The following PRR11 variants were observed in gnomAD, a reference collection of about 807,000 sequenced individuals.
The protein encoded by PRR11 is proline rich 11, also known as proline-rich protein 11.
A neutral mutation model predicts 45.6 loss-of-function variants in PRR11; 30 were observed. That is an observed-to-expected ratio of 0.66 (90% CI 0.49 to 0.89). The LOEUF is 0.89. Ranked by LOEUF, PRR11 falls within the 40% of genes least tolerant of loss-of-function variation. The probability of loss-of-function intolerance (pLI) is 0.00; values close to 1 mark genes in which losing one functional copy is unlikely to be tolerated. For synonymous variants in PRR11, 128 were observed against 153.5 expected (o/e 0.83, Z 1.23); for missense variants, 373 against 424.8 (o/e 0.88, Z 1.07).
At chr17:59,160,622 G>A (rs2046646565) in intron 1 of PRR11, 1 of 152,142 alleles carries the variant, frequency 6.6e-6, no homozygotes, top group Admixed American at 6.5e-5. Context: ...AGCTCCAGAT[G>A]TACCAGTTTG....
intron 2 of PRR11, among the ~76,000 whole-genome samples, chr17:59,180,986 T>A (rs1166686751): frequency 6.6e-6 from 1 of 151,292 alleles, no homozygotes; most frequent in Non-Finnish European, 1.5e-5. Flanking sequence ...ACTTTCTTTT[T>A]TTGTTGTTTT....
intron 2 of PRR11, chr17:59,179,831 C>T: frequency 7.4e-7 from 1 of 1,348,678 alleles, no homozygotes; most frequent in Non-Finnish European, 1.0e-6. Flanking sequence ...CTCCCTCTTC[C>T]TTTTCCAGCA....
At chr17:59,198,081 T>G (rs1351927137) in intron 9 of PRR11, among the ~76,000 whole-genome samples, 3 of 152,160 alleles carry the variant, frequency 2.0e-5, no homozygotes, top group African/African-American at 7.2e-5. Flanking sequence ...ACCACTGCAC[T>G]CCAGTCTGGG....
chr17:59,180,726 G>A lies in PRR11; in HGVS notation c.129-4328G>A, dbSNP rs480149. Among the ~76,000 whole-genome samples the A allele has an allele frequency of 4.9e-3, 732 of 150,412 alleles. 23 individuals carry two copies. Among genetic ancestry groups the A allele is most frequent in the African/African-American group, 0.017 (692 of 40,594 alleles). On this transcript the variant is annotated intron_variant, in intron 2 of 9. Transcript: ENST00000262293. ...TCACTATATTGGTCAGGCTGGTCTC[G>A]AACAACTGACCTCAGGTGATCCACC...
At chr17:59,160,835 G>A (rs1234523947) in intron 1 of PRR11, 2 of 151,950 alleles carry the variant, frequency 1.3e-5, no homozygotes, top group East Asian at 1.9e-4. Context: ...CTGTGCTCAC[G>A]TGAGCCTCCC....
intron 2 of PRR11, among the ~76,000 whole-genome samples, chr17:59,172,404 C>T (rs926176269): frequency 6.6e-6 from 1 of 152,266 alleles, no homozygotes; most frequent in African/African-American, 2.4e-5. Context: ...GCCTCCTCAC[C>T]TGGGCGCCCA....
intron 2 of PRR11, chr17:59,175,176 C>T (rs1307954854): frequency 2.0e-6 from 1 of 503,964 alleles, no homozygotes; most frequent in African/African-American, 2.0e-5. Flanking sequence ...CAGGAGAGAC[C>T]TCTGGCTGAG....
chr17:59,184,565 T>G (rs2046804169), intron 2 of PRR11, among the ~76,000 whole-genome samples: 1 of 152,128 alleles, frequency 6.6e-6, no homozygotes, highest in Non-Finnish European at 1.5e-5. Flanking sequence ...CCAAACTGAA[T>G]GAGGAAGCAG....
chr17:59,163,867 C>G (rs906721809), intron 1 of PRR11, among the ~76,000 whole-genome samples: 2 of 152,062 alleles, frequency 1.3e-5, no homozygotes, highest in African/African-American at 4.8e-5. Flanking sequence ...GAGTTCAAGA[C>G]CAGCCTGGCC....
At position 59,205,144 on chromosome 17, in the gene PRR11, G is replaced by A. The variant is rs1377339490; in HGVS notation, c.*3513G>A. ...AAGCTGCTACTGCCATTGTACCAGT[G>A]TTAAACTGTGTTCTACCTTGCATCT... is the stretch of plus-strand genomic sequence containing the variant. On this transcript the variant is annotated 3_prime_UTR_variant, in exon 10 of 10. Transcript: ENST00000262293. 2.6e-5 allele frequency among the ~76,000 whole-genome samples: 4 copies of A among 151,646 alleles called. No homozygotes were observed. Among genetic ancestry groups the A allele is most frequent in the Admixed American group, 1.3e-4 (2 of 15,240 alleles).
Position 59,201,291 on chromosome 17 carries a change from C to T in PRR11, c.1015-272C>T, listed in dbSNP as rs542558313. 4.6e-5 allele frequency among the ~76,000 whole-genome samples: 7 copies of T among 152,306 alleles called. No individual in the cohort carries two copies. In the South Asian group the frequency reaches 1.2e-3, roughly 27 times the overall value. ...ATCCTTAATGTGTGGCTTTTATCCT[C>T]TTAATACAAAATGCCTACATTTCCT... is the stretch of plus-strand genomic sequence containing the variant. On this transcript the variant is annotated intron_variant, in intron 9 of 9. Transcript: ENST00000262293.
chr17:59,156,185 A>G lies in PRR11; in HGVS notation c.-6+380A>G, dbSNP rs571168637. On this transcript the variant is annotated intron_variant, in intron 1 of 9. Coordinates refer to ENST00000262293, the MANE Select transcript of PRR11 (RefSeq NM_018304.4). Reference sequence around the variant, plus strand: ...TTTACTAAATCAGAATATACATTTTAACAAGATTTCCCTGAGTGATTTCTA... The same window carrying G: ...TTTACTAAATCAGAATATACATTTTGACAAGATTTCCCTGAGTGATTTCTA... 6.6e-5 allele frequency among the ~76,000 whole-genome samples: 10 copies of G among 152,312 alleles called. No individual in the cohort carries two copies. The South Asian group carries it at 2.1e-3, about 32-fold the overall frequency.
At position 59,204,614 on chromosome 17, in the gene PRR11, G is replaced by A. The variant is rs549271244; in HGVS notation, c.*2983G>A. ...CCAGCTACTCAGGAAGCTAAAGCAC[G>A]AGAATTATGTGCATCCTGGAGGTGA... On this transcript the variant is annotated 3_prime_UTR_variant, in exon 10 of 10. Coordinates refer to ENST00000262293, the MANE Select transcript of PRR11 (RefSeq NM_018304.4). 2 of 151,404 alleles carry A rather than the reference G, an allele frequency of 1.3e-5. No homozygotes were observed. The highest frequency in any genetic ancestry group is 3.9e-4 in the East Asian group (2 of 5,166). The allele number at this position is 151,404 out of a possible 1,614,324, so 9.4% of individuals were successfully genotyped here. A position where few individuals can be genotyped will look rare whatever the true frequency, so the allele number is the denominator to read the frequency against.
chr17:59,188,154 A>G (rs547888508), intron 4 of PRR11, among the ~76,000 whole-genome samples: 2 of 152,328 alleles, frequency 1.3e-5, no homozygotes, highest in East Asian at 3.9e-4. Flanking sequence ...TCCTATTACT[A>G]AAGAAGAAGG....
At chr17:59,176,806 C>G (rs2046749426) in intron 2 of PRR11, among the ~76,000 whole-genome samples, 1 of 140,086 alleles carries the variant, frequency 7.1e-6, no homozygotes, top group Non-Finnish European at 1.5e-5. Flanking sequence ...AACGGGTTCT[C>G]TTGCCTGAGC....
chr17:59,180,172 C>T (rs1206632628), intron 2 of PRR11, among the ~76,000 whole-genome samples: 1 of 147,738 alleles, frequency 6.8e-6, no homozygotes, highest in Non-Finnish European at 1.5e-5. Flanking sequence ...GCTTTGTCGC[C>T]CAGGCTGGAG....
In PRR11 at chr17:59,181,638, G is replaced by A. The variant is rs1304459448; in HGVS notation, c.129-3416G>A. The A allele has an allele frequency of 1.3e-5, 19 of 1,497,416 alleles. No homozygotes were observed. In the Admixed American group the frequency reaches 1.5e-4, roughly 12 times the overall value. The allele number at this position is 1,497,416 out of a possible 1,614,324, so 92.8% of individuals were successfully genotyped here. A position where few individuals can be genotyped will look rare whatever the true frequency, so the allele number is the denominator to read the frequency against. On this transcript the variant is annotated intron_variant, in intron 2 of 9. Coordinates refer to ENST00000262293, the MANE Select transcript of PRR11 (RefSeq NM_018304.4). ...CCCAGGTCTCCTCAGGCTCAGGGGC[G>A]AGCTCCTTCTCTGGCGCCTCCTCCG... is the stretch of plus-strand genomic sequence containing the variant.
chr17:59,176,986 C>T (rs1189635235), intron 2 of PRR11, among the ~76,000 whole-genome samples: 1 of 151,998 alleles, frequency 6.6e-6, no homozygotes, highest in Non-Finnish European at 1.5e-5. Flanking sequence ...CGTGAGCCAC[C>T]GCGCCCAGCC....
chr17:59,188,454 T>C (rs1195082913), intron 4 of PRR11, among the ~76,000 whole-genome samples: 1 of 152,180 alleles, frequency 6.6e-6, no homozygotes, highest in Non-Finnish European at 1.5e-5. Context: ...TGCGGTGTGA[T>C]TTGAAAAATA....
Sources: gnomAD v4.1 joint callset for allele counts (sites outside exome capture counted in the v4.1 genomes callset) on GRCh38, gnomAD v4.1.1 for gene constraint, MANE v1.5 for transcripts, NCBI Gene and HGNC (gene_info 2026-07-23, HGNC 2026-07-21) for gene names.